FSTL5: variants seen among roughly 807,000 people sequenced by gnomAD.
The protein encoded by FSTL5 is follistatin like 5.
A neutral mutation model predicts 89.1 loss-of-function variants in FSTL5; 62 were observed. The observed-to-expected ratio is 0.70, with a 90% CI of 0.57 to 0.86. FSTL5 has a LOEUF of 0.86. Among genes scored for constraint, FSTL5 ranks in the 40% least tolerant of loss-of-function variants. The pLI, the probability that FSTL5 is intolerant of heterozygous loss-of-function variation, is 0.00. For synonymous variants in FSTL5, 383 were observed against 346.2 expected (o/e 1.11, Z -1.18); for missense variants, 1,057 against 1,001.6 (o/e 1.06, Z -0.75).
chr4:161,604,640 CACCCAAAGTGG>C (rs1734373520), intron 7 of FSTL5, among the ~76,000 whole-genome samples: 1 of 152,088 alleles, frequency 6.6e-6, no homozygotes, highest in Admixed American at 6.6e-5. Flanking sequence ...GTTACAAAAC[CACCCAAAGTGG>C]TACAGGAGGA....
chr4:161,584,292 T>A (rs966505381), intron 8 of FSTL5, among the ~76,000 whole-genome samples: 1 of 152,230 alleles, frequency 6.6e-6, no homozygotes, highest in African/African-American at 2.4e-5. Flanking sequence ...CTCATGCTCC[T>A]ACACTGTGAA....
intron 4 of FSTL5, among the ~76,000 whole-genome samples, chr4:161,809,754 C>G (rs1404113905): frequency 6.6e-6 from 1 of 152,144 alleles, no homozygotes; most frequent in Non-Finnish European, 1.5e-5. Flanking sequence ...TGTATGATTA[C>G]AATTATATAA....
intron 3 of FSTL5, among the ~76,000 whole-genome samples, chr4:162,022,102 A>C (rs984469379): frequency 1.3e-5 from 2 of 151,926 alleles, no homozygotes; most frequent in African/African-American, 4.8e-5. Context: ...GGGAAAAAAA[A>C]AAAAAAAAGT....
intron 3 of FSTL5, among the ~76,000 whole-genome samples, chr4:162,006,275 C>T (rs11100406): frequency 1.3e-5 from 2 of 151,684 alleles, no homozygotes; most frequent in Admixed American, 6.6e-5. Context: ...TAAGTGTATA[C>T]AAGGACTTTC....
At chr4:161,492,008 T>C (rs1429987887) in intron 12 of FSTL5, among the ~76,000 whole-genome samples, 4 of 152,226 alleles carry the variant, frequency 2.6e-5, no homozygotes, top group Non-Finnish European at 5.9e-5. Flanking sequence ...AGATTTATAA[T>C]AGGATTATAC....
At chr4:161,898,309 A>G (rs12499128) in intron 4 of FSTL5, among the ~76,000 whole-genome samples, 126,435 of 151,348 alleles carry the variant, frequency 0.84, 53,391 homozygotes, top group Non-Finnish European at 0.9. Flanking sequence ...AAAAATCTTC[A>G]TCGCATTCAA....
intron 7 of FSTL5, among the ~76,000 whole-genome samples, chr4:161,597,516 T>C (rs1432959538): frequency 6.7e-6 from 1 of 149,864 alleles, no homozygotes; most frequent in Non-Finnish European, 1.5e-5. Context: ...CATTAGGAGA[T>C]ATACCTAATG....
At chr4:162,158,507 A>G (rs1733570858) in intron 1 of FSTL5, among the ~76,000 whole-genome samples, 1 of 152,102 alleles carries the variant, frequency 6.6e-6, no homozygotes, top group African/African-American at 2.4e-5. Flanking sequence ...TACATATAGT[A>G]AAGAGATTAT....
At chr4:161,457,442 G>T in intron 14 of FSTL5, among the ~76,000 whole-genome samples, 1 of 152,026 alleles carries the variant, frequency 6.6e-6, no homozygotes, top group Non-Finnish European at 1.5e-5. Flanking sequence ...TTTTTAGATG[G>T]TTGAATAATG....
intron 3 of FSTL5, among the ~76,000 whole-genome samples, chr4:161,941,283 G>C (rs929111144): frequency 6.6e-6 from 1 of 151,666 alleles, no homozygotes; most frequent in Non-Finnish European, 1.5e-5. Context: ...AAATAGAGAA[G>C]CATATTCTTC....
chr4:162,147,746 C>T (rs181594373), intron 1 of FSTL5, among the ~76,000 whole-genome samples: 86 of 152,270 alleles, frequency 5.6e-4, no homozygotes, highest in Non-Finnish European at 4.9e-4. Context: ...GGAGCGGTGG[C>T]TCACGCCTGT....
At chr4:161,623,455 T>C (rs904520961) in intron 7 of FSTL5, among the ~76,000 whole-genome samples, 2 of 151,998 alleles carry the variant, frequency 1.3e-5, no homozygotes, top group African/African-American at 4.8e-5. Flanking sequence ...ATATTTGTAC[T>C]CAAATATTTT....
chr4:161,673,438 T>C (rs1313177505), intron 6 of FSTL5, among the ~76,000 whole-genome samples: 1 of 151,996 alleles, frequency 6.6e-6, no homozygotes, highest in African/African-American at 2.4e-5. Context: ...ATTAGAAAAA[T>C]TAAATACATT....
chr4:162,162,385 C>T (rs1380457281), intron 1 of FSTL5, among the ~76,000 whole-genome samples: 1 of 151,984 alleles, frequency 6.6e-6, no homozygotes, highest in South Asian at 2.1e-4. Context: ...TAACTCATTC[C>T]TATTAATATT....
At chr4:161,949,224 T>C (rs1008835858) in intron 3 of FSTL5, among the ~76,000 whole-genome samples, 10 of 152,106 alleles carry the variant, frequency 6.6e-5, no homozygotes, top group Admixed American at 2.0e-4. Context: ...CTCTTTCCCT[T>C]ATAAGGGCCT....
At chr4:161,832,498 T>A (rs981910170) in intron 4 of FSTL5, among the ~76,000 whole-genome samples, 8 of 152,314 alleles carry the variant, frequency 5.3e-5, no homozygotes, top group Admixed American at 4.6e-4. Context: ...CGGCTGTGAA[T>A]CCATCTGGTC....
chr4:162,001,598 TTGTGTG>T (rs34546507), intron 3 of FSTL5, among the ~76,000 whole-genome samples: 48,124 of 149,932 alleles, frequency 0.32, 8,302 homozygotes, highest in Non-Finnish European at 0.39. Flanking sequence ...GATACATGCA[TTGTGTG>T]TGTGTGTGTG....
At chr4:161,726,689 G>A (rs1739431346) in intron 6 of FSTL5, among the ~76,000 whole-genome samples, 1 of 151,936 alleles carries the variant, frequency 6.6e-6, no homozygotes, top group Non-Finnish European at 1.5e-5. Context: ...AGACTAAAAC[G>A]TATAGTAATC....
At chr4:162,068,021 A>G (rs1359837597) in intron 2 of FSTL5, among the ~76,000 whole-genome samples, 1 of 152,104 alleles carries the variant, frequency 6.6e-6, no homozygotes, top group African/African-American at 2.4e-5. Flanking sequence ...AAGGAGAACT[A>G]TGAACCAGAG....
Sources: allele counts gnomAD v4.1 joint callset (sites outside exome capture counted in the v4.1 genomes callset), GRCh38; gene constraint gnomAD v4.1.1; transcripts MANE v1.5; gene names NCBI Gene and HGNC (gene_info 2026-07-23, HGNC 2026-07-21).